Variants in FAM117B observed in about 807,000 individuals in gnomAD.
The protein encoded by FAM117B is protein FAM117B.
Under a neutral mutation model 52.8 loss-of-function variants are expected in FAM117B, and 22 were observed. The ratio of observed to expected loss-of-function variants is 0.42; its 90% CI spans 0.30 to 0.59. The LOEUF (loss-of-function observed/expected upper bound fraction) is 0.59, where lower values mean the gene tolerates loss of function less well. Among genes scored for constraint, FAM117B ranks in the 20% least tolerant of loss-of-function variants. The pLI is 0.22. For missense variants in FAM117B, 678 were observed against 802.6 expected (o/e 0.84, Z 1.88); for synonymous variants, 309 against 324.1 (o/e 0.95, Z 0.50).
intron 2 of FAM117B, among the ~76,000 whole-genome samples, chr2:202,703,186 A>G (rs1307892336): frequency 5.3e-5 from 8 of 152,170 alleles, no homozygotes; most frequent in Admixed American, 4.6e-4. Context: ...TTTCCTCACT[A>G]TTAATACCAC....
At chr2:202,646,253 C>T (rs543059315) in intron 1 of FAM117B, among the ~76,000 whole-genome samples, 24 of 152,172 alleles carry the variant, frequency 1.6e-4, no homozygotes, top group African/African-American at 5.5e-4. Context: ...TCAAGTGATC[C>T]GCCTGTCTCC....
chr2:202,716,121 TTTATCA>T, intron 2 of FAM117B, among the ~76,000 whole-genome samples: 1 of 152,322 alleles, frequency 6.6e-6, no homozygotes, highest in East Asian at 1.9e-4. Flanking sequence ...AATCGACACC[TTTATCA>T]TTATGTAGTG....
At chr2:202,683,213 A>C (rs1690489448) in intron 1 of FAM117B, among the ~76,000 whole-genome samples, 1 of 152,194 alleles carries the variant, frequency 6.6e-6, no homozygotes, top group South Asian at 2.1e-4. Context: ...CTGTAATCCC[A>C]GGTACTCAGG....
chr2:202,745,853 G>T (rs984936492), intron 4 of FAM117B, among the ~76,000 whole-genome samples: 3 of 152,122 alleles, frequency 2.0e-5, no homozygotes, highest in Non-Finnish European at 4.4e-5. Context: ...GACAAAGAAG[G>T]TTATTATATG....
In FAM117B at chr2:202,634,994, AGCGGCG is replaced by A. The variant is rs537447869; in HGVS notation, c.-176_-171del. On this transcript the variant is annotated 5_prime_UTR_variant, in exon 1 of 8. Transcript: ENST00000392238. Reference sequence around the variant, plus strand: ...AGAGGAGACACTATTGTTGATGAGGAGCGGCGGCGGCGGCGGCGGCGGCTGCACCAC... The same window carrying A: ...AGAGGAGACACTATTGTTGATGAGGAGCGGCGGCGGCGGCGGCTGCACCAC... 0.23 allele frequency among the ~76,000 whole-genome samples: 33,386 copies of A among 147,346 alleles called. 4,311 individuals carry two copies. Among genetic ancestry groups the A allele is most frequent in the Non-Finnish European group, 0.3 (19,865 of 66,450 alleles).
At chr2:202,737,460 T>G (rs1691457161) in intron 4 of FAM117B, among the ~76,000 whole-genome samples, 1 of 152,202 alleles carries the variant, frequency 6.6e-6, no homozygotes, top group South Asian at 2.1e-4. Flanking sequence ...TAAGCACTGC[T>G]CTGTTCTCCA....
At chr2:202,678,389 C>T (rs553302235) in intron 1 of FAM117B, among the ~76,000 whole-genome samples, 1 of 152,296 alleles carries the variant, frequency 6.6e-6, no homozygotes, top group South Asian at 2.1e-4. Flanking sequence ...CCAGGCATGT[C>T]ATTCACATAG....
At chr2:202,655,761 A>AGAGT (rs1690046684) in intron 1 of FAM117B, among the ~76,000 whole-genome samples, 187 of 100,362 alleles carry the variant, frequency 1.9e-3, no homozygotes, top group Admixed American at 3.5e-3. Flanking sequence ...AGAGAGAGAG[A>AGAGT]GTGTGTGTGT....
intron 1 of FAM117B, among the ~76,000 whole-genome samples, chr2:202,690,654 G>T (rs1690606863): frequency 6.6e-6 from 1 of 152,198 alleles, no homozygotes; most frequent in Non-Finnish European, 1.5e-5. Flanking sequence ...CTAGAGGCAT[G>T]TAAGGGCACA....
chr2:202,741,998 A>G (rs536088811), intron 4 of FAM117B, among the ~76,000 whole-genome samples: 1 of 152,358 alleles, frequency 6.6e-6, no homozygotes, highest in East Asian at 1.9e-4. Context: ...AATAAGTACT[A>G]CACAATCTAC....
chr2:202,680,841 AG>A (rs2105770080), intron 1 of FAM117B, among the ~76,000 whole-genome samples: 1 of 152,322 alleles, frequency 6.6e-6, no homozygotes, highest in South Asian at 2.1e-4. Context: ...GTAGTTCTTC[AG>A]GTGGAAGGAA....
intron 1 of FAM117B, among the ~76,000 whole-genome samples, chr2:202,637,318 T>C (rs1311008279): frequency 1.3e-5 from 2 of 152,170 alleles, no homozygotes; most frequent in Admixed American, 1.3e-4. Flanking sequence ...AGTGCAGTTA[T>C]GTGATCTCGG....
intron 7 of FAM117B, among the ~76,000 whole-genome samples, chr2:202,764,950 G>A (rs949417828): frequency 2.0e-5 from 3 of 152,214 alleles, no homozygotes; most frequent in African/African-American, 4.8e-5. Context: ...TAGTCATGCA[G>A]TGGTGGAACT....
intron 1 of FAM117B, among the ~76,000 whole-genome samples, chr2:202,685,651 T>C (rs1224307089): frequency 6.6e-6 from 1 of 152,220 alleles, no homozygotes; most frequent in Admixed American, 6.5e-5. Context: ...TTCACACTTC[T>C]CGATAAAGGT....
chr2:202,647,061 C>T (rs1452864044), intron 1 of FAM117B, among the ~76,000 whole-genome samples: 1 of 151,988 alleles, frequency 6.6e-6, no homozygotes, highest in Non-Finnish European at 1.5e-5. Flanking sequence ...TTTTTAAAAA[C>T]TTATAAGGCA....
At chr2:202,653,893 A>C (rs1053361372) in intron 1 of FAM117B, among the ~76,000 whole-genome samples, 10 of 152,168 alleles carry the variant, frequency 6.6e-5, no homozygotes, top group African/African-American at 2.4e-4. Flanking sequence ...CATTTCAAGT[A>C]TGCTACTATT....
chr2:202,659,717 C>T (rs1338786617), intron 1 of FAM117B, among the ~76,000 whole-genome samples: 5 of 143,622 alleles, frequency 3.5e-5, no homozygotes, highest in African/African-American at 1.0e-4. Flanking sequence ...CGGGTTCAAA[C>T]GATTCTCCTG....
At chr2:202,696,626 G>A (rs1236980908) in intron 2 of FAM117B, among the ~76,000 whole-genome samples, 1 of 152,066 alleles carries the variant, frequency 6.6e-6, no homozygotes, top group Non-Finnish European at 1.5e-5. Flanking sequence ...TTACGTTTTT[G>A]TGCCAAAAAA....
Position 202,635,106 on chromosome 2 carries a change from T to G in FAM117B, c.-82T>G. Reference sequence around the variant, plus strand: ...TCACCCCGTCTTGGGGGGCCTGCCCTCCGGCCTCGAGAATCCTCCCCCTGC... The same window carrying G: ...TCACCCCGTCTTGGGGGGCCTGCCCGCCGGCCTCGAGAATCCTCCCCCTGC... On this transcript the variant is annotated 5_prime_UTR_variant, in exon 1 of 8. Coordinates refer to ENST00000392238, the MANE Select transcript of FAM117B (RefSeq NM_173511.4). 1 of 1,248,882 alleles carries G rather than the reference T, an allele frequency of 8.0e-7. No individual in the cohort carries two copies. The highest frequency in any genetic ancestry group is 1.0e-6 in the Non-Finnish European group (1 of 995,746). The allele number at this position is 1,248,882 out of a possible 1,614,324, so 77.4% of individuals were successfully genotyped here. A position where few individuals can be genotyped will look rare whatever the true frequency, so the allele number is the denominator to read the frequency against.
Sources: gnomAD v4.1 joint callset for allele counts (sites outside exome capture counted in the v4.1 genomes callset) on GRCh38, gnomAD v4.1.1 for gene constraint, MANE v1.5 for transcripts, NCBI Gene and HGNC (gene_info 2026-07-23, HGNC 2026-07-21) for gene names.